IRAK1BP1: variants seen among roughly 807,000 people sequenced by gnomAD.
IRAK1BP1 encodes interleukin 1 receptor associated kinase 1 binding protein 1, also known as interleukin-1 receptor-associated kinase 1-binding protein 1.
A neutral mutation model predicts 28.0 loss-of-function variants in IRAK1BP1; 24 were observed. The observed-to-expected ratio is 0.86, with a 90% CI of 0.62 to 1.20. The LOEUF (loss-of-function observed/expected upper bound fraction) is 1.20. Ranked by LOEUF, IRAK1BP1 falls within the 50% of genes most tolerant of loss-of-function variation. The pLI is 0.00. For synonymous variants in IRAK1BP1, 131 were observed against 116.3 expected, an observed-to-expected ratio of 1.13 and a Z score of -0.81; for missense variants, 336 against 316.7, an observed-to-expected ratio of 1.06 and a Z score of -0.46.
intron 2 of IRAK1BP1, among the ~76,000 whole-genome samples, chr6:78,893,286 GTATA>G (rs70977750): frequency 0.041 from 5,059 of 123,814 alleles, 327 homozygotes; most frequent in South Asian, 0.12. Flanking sequence ...ATATATGTGT[GTATA>G]TATGTGTGTG....
At chr6:78,955,113 T>C in the IRAK1BP1 span, 49 of 885,334 alleles carry the variant, frequency 5.5e-5, no homozygotes, top group African/African-American at 7.3e-4. Context: ...CATTTTGTAA[T>C]TGAAACTAAT....
intron 4 of IRAK1BP1, among the ~76,000 whole-genome samples, chr6:78,931,948 A>G (rs985161095): frequency 1.3e-5 from 2 of 152,202 alleles, no homozygotes; most frequent in African/African-American, 4.8e-5. Context: ...ATTGGAGTCA[A>G]TCCTCTCAAA....
the IRAK1BP1 span, among the ~76,000 whole-genome samples, chr6:78,975,159 A>C: frequency 6.6e-6 from 1 of 151,912 alleles, no homozygotes; most frequent in South Asian, 2.1e-4. Flanking sequence ...GCAGCACATC[A>C]AAAAGCTTAT....
At chr6:78,923,320 C>A (rs891182073) in intron 4 of IRAK1BP1, among the ~76,000 whole-genome samples, 1 of 151,074 alleles carries the variant, frequency 6.6e-6, no homozygotes, top group Non-Finnish European at 1.5e-5. Flanking sequence ...TCCAAAGAGA[C>A]AAGGCCTTTA....
At chr6:78,928,269 G>A (rs1772944805) in intron 4 of IRAK1BP1, among the ~76,000 whole-genome samples, 1 of 151,916 alleles carries the variant, frequency 6.6e-6, no homozygotes, top group African/African-American at 2.4e-5. Context: ...AATTTTATTT[G>A]TGGTTATTAT....
At position 78,899,155 on chromosome 6, in the gene IRAK1BP1, A is replaced by G. The variant is rs921926559; in HGVS notation, c.*821A>G. On this transcript the variant is annotated 3_prime_UTR_variant, in exon 4 of 4. Coordinates refer to ENST00000369940, the MANE Select transcript of IRAK1BP1 (RefSeq NM_001010844.4). The stretch of plus-strand genomic sequence containing the variant: ...AGGGTTCACTGCTTTTTATCCATGA[A>G]CAGAAGCAAACCTGCTCTTTGCCTC... 1.3e-5 allele frequency: 2 copies of G among 152,192 alleles called. No individual in the cohort carries two copies. The highest frequency in any genetic ancestry group is 2.1e-4 in the South Asian group (1 of 4,828). The allele number at this position is 152,192 out of a possible 1,614,324, so 9.4% of individuals were successfully genotyped here.
chr6:78,943,983 CTT>C (rs201550604), intron 4 of IRAK1BP1, among the ~76,000 whole-genome samples: 39,778 of 94,328 alleles, frequency 0.42, 10,232 homozygotes, highest in East Asian at 0.68. Context: ...AAGATCCTGT[CTT>C]TTTTTAAAAA....
intron 1 of IRAK1BP1, among the ~76,000 whole-genome samples, chr6:78,868,801 G>A (rs1348502482): frequency 6.6e-6 from 1 of 152,142 alleles, no homozygotes; most frequent in African/African-American, 2.4e-5. Flanking sequence ...AAGAAAATTA[G>A]AAATCATAGG....
rs144324390 is a variant in IRAK1BP1 at position 78,895,394 on chromosome 6, C to A, written c.382-2435C>A. 6.4e-4 allele frequency among the ~76,000 whole-genome samples: 97 copies of A among 152,146 alleles called. 1 individual carries two copies. The South Asian group carries it at 8.1e-3, about 13-fold the overall frequency. Reference sequence around the variant, plus strand: ...AGGTCAGAAGATAACCAGAAAAATACCATTACAAGCAAAGAAAATTACAGA... The same window carrying A: ...AGGTCAGAAGATAACCAGAAAAATAACATTACAAGCAAAGAAAATTACAGA... On this transcript the variant is annotated intron_variant, in intron 2 of 3. Transcript: ENST00000369940.
chr6:78,927,728 G>T (rs1772930296), intron 4 of IRAK1BP1, among the ~76,000 whole-genome samples: 1 of 151,976 alleles, frequency 6.6e-6, no homozygotes, highest in African/African-American at 2.4e-5. Context: ...AGAGATAGGG[G>T]TCTAGTTTCA....
chr6:78,920,015 G>A (rs914078273), intron 4 of IRAK1BP1, among the ~76,000 whole-genome samples: 4 of 152,136 alleles, frequency 2.6e-5, no homozygotes, highest in African/African-American at 9.7e-5. Context: ...CAACACTTTG[G>A]GAGGCCAAGA....
chr6:78,968,676 T>C, the IRAK1BP1 span, among the ~76,000 whole-genome samples: 1 of 152,236 alleles, frequency 6.6e-6, no homozygotes, highest in Non-Finnish European at 1.5e-5. Context: ...AAATACTGCT[T>C]GCTCCTAAGC....
chr6:78,943,899 T>G (rs1284706681), intron 4 of IRAK1BP1, among the ~76,000 whole-genome samples: 3 of 149,678 alleles, frequency 2.0e-5, no homozygotes, highest in Non-Finnish European at 4.4e-5. Flanking sequence ...GGCAGAAGAA[T>G]TGCTTGAACC....
chr6:78,930,180 G>C (rs1011815291), intron 4 of IRAK1BP1, among the ~76,000 whole-genome samples: 3 of 152,052 alleles, frequency 2.0e-5, no homozygotes, highest in Non-Finnish European at 2.9e-5. Context: ...TGGCCTCCCA[G>C]AGTGCTGAGA....
At chr6:78,876,538 C>T (rs550800618) in intron 1 of IRAK1BP1, among the ~76,000 whole-genome samples, 7 of 152,196 alleles carry the variant, frequency 4.6e-5, no homozygotes, top group African/African-American at 7.2e-5. Context: ...GTTTTGTGCC[C>T]CTTATAGCAG....
intron 1 of IRAK1BP1, among the ~76,000 whole-genome samples, chr6:78,879,644 A>G (rs1434620912): frequency 6.6e-6 from 1 of 152,200 alleles, no homozygotes; most frequent in East Asian, 1.9e-4. Context: ...TGCCCACTGC[A>G]TTTTGGTATG....
At chr6:78,959,891 A>G in the IRAK1BP1 span, among the ~76,000 whole-genome samples, 1 of 152,178 alleles carries the variant, frequency 6.6e-6, no homozygotes, top group Non-Finnish European at 1.5e-5. Flanking sequence ...TACTTAACCT[A>G]GCAAATATTT....
chr6:78,941,077 A>C, intron 4 of IRAK1BP1: 1 of 1,614,124 alleles, frequency 6.2e-7, no homozygotes, highest in Non-Finnish European at 8.5e-7. Flanking sequence ...TTTCAGAAAG[A>C]AAATTGCATG....
In IRAK1BP1 at chr6:78,885,384, A is replaced by G. The variant is rs756196420; in HGVS notation, c.322A>G (p.Asn108Asp). The G allele has an allele frequency of 1.9e-6, 3 of 1,575,600 alleles. No individual in the cohort carries two copies. In the Admixed American group the frequency reaches 5.3e-5, roughly 28 times the overall value. Residue 108 changes from asparagine (N) to aspartate (D), a missense_variant, in exon 2 of 4, where the codon AAT becomes GAT. Physicochemically the swap from Asn to Asp is conservative, Grantham distance 23. Coordinates refer to ENST00000369940, the MANE Select transcript of IRAK1BP1 (RefSeq NM_001010844.4). ...SLQQQGVQAE[N>D]ITVTKDFRRV... ...TGGACTTTTTCTGTTTCAGGCAGAA[A>G]ATATAACTGTGACAAAGGATTTTAG...
Sources: gnomAD v4.1 joint callset for allele counts (sites outside exome capture counted in the v4.1 genomes callset) on GRCh38, gnomAD v4.1.1 for gene constraint, MANE v1.5 for transcripts, NCBI Gene and HGNC (gene_info 2026-07-23, HGNC 2026-07-21) for gene names.